The following BICC1 variants were observed in gnomAD, a reference collection of about 807,000 sequenced individuals.
BICC1 encodes BicC family RNA binding protein 1, also known as protein bicaudal C homolog 1.
In BICC1, 43 loss-of-function variants were observed where a neutral mutation model predicts 111.0. The ratio of observed to expected loss-of-function variants is 0.39; its 90% CI spans 0.30 to 0.50. The LOEUF is 0.50. BICC1 is among the 20% of genes least tolerant of loss of function. BICC1 has a pLI of 0.88. For missense variants in BICC1, 1,091 were observed against 1,203.2 expected, an observed-to-expected ratio of 0.91 and a Z score of 1.38; for synonymous variants, 467 against 434.4, an observed-to-expected ratio of 1.07 and a Z score of -0.93.
At chr10:58,757,431 T>C (rs902994238) in intron 3 of BICC1, among the ~76,000 whole-genome samples, 4 of 152,024 alleles carry the variant, frequency 2.6e-5, no homozygotes, top group Non-Finnish European at 4.4e-5. Context: ...GCACTCCTAA[T>C]TGAGATGTCA....
chr10:58,592,875 CAAAAAAAA>C (rs969508229), intron 1 of BICC1, among the ~76,000 whole-genome samples: 1 of 46,650 alleles, frequency 2.1e-5, no homozygotes, highest in Non-Finnish European at 3.8e-5. Context: ...GACTCCGTCT[CAAAAAAAA>C]AAAAAAAAAA....
At chr10:58,611,085 G>A (rs1052473701) in intron 1 of BICC1, among the ~76,000 whole-genome samples, 2 of 152,130 alleles carry the variant, frequency 1.3e-5, no homozygotes, top group Admixed American at 6.6e-5. Context: ...TTTGATTTTC[G>A]TACTTTTGCC....
At chr10:58,536,727 A>G (rs1304301740) in intron 1 of BICC1, among the ~76,000 whole-genome samples, 2 of 151,750 alleles carry the variant, frequency 1.3e-5, no homozygotes, top group Admixed American at 1.3e-4. Context: ...ATGAAATGAA[A>G]TTGAAAAGAC....
intron 2 of BICC1, among the ~76,000 whole-genome samples, chr10:58,641,586 G>T (rs1000682312): frequency 6.6e-6 from 1 of 151,716 alleles, no homozygotes; most frequent in African/African-American, 2.4e-5. Flanking sequence ...TTCGAGTATT[G>T]ACTAGTCTTA....
intron 3 of BICC1, among the ~76,000 whole-genome samples, chr10:58,765,470 A>G (rs1226831608): frequency 6.6e-6 from 1 of 152,172 alleles, no homozygotes; most frequent in Non-Finnish European, 1.5e-5. Context: ...TCTATCAAAC[A>G]TGTTCTTTAA....
chr10:58,678,154 C>G (rs1839402699), intron 2 of BICC1, among the ~76,000 whole-genome samples: 1 of 152,106 alleles, frequency 6.6e-6, no homozygotes, highest in Non-Finnish European at 1.5e-5. Context: ...AAATAACGGG[C>G]AAAATAGCGT....
intron 2 of BICC1, among the ~76,000 whole-genome samples, chr10:58,656,330 T>A (rs1405246330): frequency 2.7e-5 from 4 of 150,228 alleles, no homozygotes; most frequent in Non-Finnish European, 5.9e-5. Context: ...AAAGAGGGAA[T>A]CCTCCCTAAC....
chr10:58,808,087 T>G (rs74366339), intron 17 of BICC1, among the ~76,000 whole-genome samples: 1 of 152,146 alleles, frequency 6.6e-6, no homozygotes, highest in East Asian at 1.9e-4. Flanking sequence ...TTTTTTTTTT[T>G]TGTCTCTTTT....
intron 1 of BICC1, among the ~76,000 whole-genome samples, chr10:58,598,556 A>G (rs1588910468): frequency 6.6e-6 from 1 of 152,202 alleles, no homozygotes; most frequent in Non-Finnish European, 1.5e-5. Flanking sequence ...TAAAAATCCT[A>G]GAAGAAAACC....
At chr10:58,803,594 T>C (rs1183597813) in intron 15 of BICC1, among the ~76,000 whole-genome samples, 1 of 152,158 alleles carries the variant, frequency 6.6e-6, no homozygotes, top group Non-Finnish European at 1.5e-5. Flanking sequence ...CTTGGATAAA[T>C]AGATATACTA....
At chr10:58,536,326 T>G (rs1842825762) in intron 1 of BICC1, among the ~76,000 whole-genome samples, 1 of 151,738 alleles carries the variant, frequency 6.6e-6, no homozygotes, top group African/African-American at 2.4e-5. Flanking sequence ...ATATGTAAGC[T>G]GCAAAACAAA....
At chr10:58,733,738 TGGCC>T (rs1400262250) in intron 3 of BICC1, among the ~76,000 whole-genome samples, 1 of 152,262 alleles carries the variant, frequency 6.6e-6, no homozygotes, top group East Asian at 1.9e-4. Flanking sequence ...CAGGGCCAGT[TGGCC>T]TAGCATCATA....
At chr10:58,639,448 G>A (rs376129240) in intron 2 of BICC1, among the ~76,000 whole-genome samples, 4 of 146,794 alleles carry the variant, frequency 2.7e-5, no homozygotes, top group East Asian at 2.0e-4. Flanking sequence ...AGGCTGGAGT[G>A]CAGTGGTGCA....
At chr10:58,688,684 G>A (rs1209096520) in intron 2 of BICC1, among the ~76,000 whole-genome samples, 1 of 152,182 alleles carries the variant, frequency 6.6e-6, no homozygotes, top group Non-Finnish European at 1.5e-5. Flanking sequence ...TATACACCAT[G>A]TAATACTATG....
intron 19 of BICC1, among the ~76,000 whole-genome samples, chr10:58,819,224 T>C (rs1844184802): frequency 6.6e-6 from 1 of 152,174 alleles, no homozygotes; most frequent in Admixed American, 6.5e-5. Flanking sequence ...ATCTGGTCCT[T>C]TAAGAGAAAG....
intron 2 of BICC1, among the ~76,000 whole-genome samples, chr10:58,647,608 A>G (rs1215187565): frequency 6.6e-6 from 1 of 152,188 alleles, no homozygotes; most frequent in Non-Finnish European, 1.5e-5. Context: ...CATCTTCACG[A>G]TAACCTGTGT....
intron 2 of BICC1, among the ~76,000 whole-genome samples, chr10:58,631,455 T>G (rs916018925): frequency 4.6e-5 from 7 of 152,134 alleles, no homozygotes; most frequent in African/African-American, 1.7e-4. Context: ...TTTTGGCATT[T>G]TAAGTAGTGG....
intron 1 of BICC1, among the ~76,000 whole-genome samples, chr10:58,531,788 A>G (rs1593678): frequency 0.46 from 69,668 of 151,452 alleles, 17,073 homozygotes; most frequent in Admixed American, 0.62. Flanking sequence ...ACTGATTTGA[A>G]AAAAAAAATT....
intron 2 of BICC1, chr10:58,648,602 T>C (rs1398502733): frequency 2.0e-6 from 2 of 984,508 alleles, no homozygotes; most frequent in Non-Finnish European, 2.4e-6. Flanking sequence ...TCTCTCTTTC[T>C]CTCTCTCTTT....
Sources: gnomAD v4.1 joint callset for allele counts (sites outside exome capture counted in the v4.1 genomes callset) on GRCh38, gnomAD v4.1.1 for gene constraint, MANE v1.5 for transcripts, NCBI Gene and HGNC (gene_info 2026-07-23, HGNC 2026-07-21) for gene names.